Variants in KLRG1 observed in about 807,000 individuals in gnomAD.
The protein encoded by KLRG1 is killer cell lectin like receptor G1.
A neutral mutation model predicts 21.8 loss-of-function variants in KLRG1; 16 were observed. The ratio of observed to expected loss-of-function variants is 0.73; its 90% confidence interval spans 0.50 to 1.11. The LOEUF (loss-of-function observed/expected upper bound fraction) is 1.11, where lower values mean the gene tolerates loss of function less well. KLRG1 is among the 50% of genes most tolerant of loss of function. The probability of loss-of-function intolerance (pLI) is 0.00; values close to 1 mark genes in which losing one functional copy is unlikely to be tolerated. For synonymous variants in KLRG1, 69 were observed against 75.9 expected (o/e 0.91, Z 0.47); for missense variants, 173 against 218.3 (o/e 0.79, Z 1.31).
the KLRG1 span, chr12:9,151,545 G>C: frequency 7.2e-7 from 1 of 1,387,058 alleles, no homozygotes. Flanking sequence ...TTCTAGTAAA[G>C]AGACTCACTT....
the KLRG1 span, among the ~76,000 whole-genome samples, chr12:9,036,077 A>G: frequency 2.0e-5 from 3 of 152,230 alleles, no homozygotes; most frequent in African/African-American, 7.2e-5. Context: ...TCATTTGTAC[A>G]CCCAACCCAG....
At chr12:9,164,798 C>T in the KLRG1 span, among the ~76,000 whole-genome samples, 2 of 152,076 alleles carry the variant, frequency 1.3e-5, no homozygotes, top group Non-Finnish European at 2.9e-5. Flanking sequence ...TTCAAGATGA[C>T]GGGTTGGAGA....
chr12:9,150,792 C>T, the KLRG1 span: 1 of 1,215,200 alleles, frequency 8.2e-7, no homozygotes, highest in Non-Finnish European at 1.2e-6. Flanking sequence ...AAACCTCCTT[C>T]TTTCTCCCAT....
the KLRG1 span, chr12:9,204,000 G>A: frequency 1.2e-5 from 18 of 1,491,724 alleles, no homozygotes; most frequent in African/African-American, 5.6e-5. Context: ...GATAGTAAGC[G>A]TTTTCATCCA....
At chr12:9,178,299 CTG>C in the KLRG1 span, among the ~76,000 whole-genome samples, 74 of 152,280 alleles carry the variant, frequency 4.9e-4, no homozygotes, top group African/African-American at 1.8e-3. Context: ...TATGAATCCT[CTG>C]TTTTTCTGGT....
intron 2 of KLRG1, among the ~76,000 whole-genome samples, chr12:8,994,414 T>C (rs1293779308): frequency 2.6e-5 from 4 of 152,324 alleles, no homozygotes; most frequent in African/African-American, 4.8e-5. Flanking sequence ...TTTAAAGGAA[T>C]GTGGATCTTC....
intron 3 of KLRG1, among the ~76,000 whole-genome samples, chr12:9,008,231 AG>A (rs1947530382): frequency 6.6e-6 from 1 of 152,268 alleles, no homozygotes; most frequent in African/African-American, 2.4e-5. Context: ...ATGATGGGAA[AG>A]ATGACCACTT....
At chr12:8,957,928 G>C (rs1946321922) in intron 1 of KLRG1, among the ~76,000 whole-genome samples, 1 of 152,212 alleles carries the variant, frequency 6.6e-6, no homozygotes, top group Admixed American at 6.5e-5. Flanking sequence ...AACTGAAATT[G>C]TAGAAAGCAC....
At chr12:9,109,771 T>A in the KLRG1 span, 1 of 1,238,584 alleles carries the variant, frequency 8.1e-7, no homozygotes, top group Non-Finnish European at 1.1e-6. Context: ...ATGTCACCCA[T>A]GGGAAATGGA....
chr12:8,989,059 C>T (rs1170176658), upstream of KLRG1, among the ~76,000 whole-genome samples: 2 of 152,070 alleles, frequency 1.3e-5, no homozygotes, highest in Non-Finnish European at 2.9e-5. Flanking sequence ...AGGGTAAAGA[C>T]CATCACACAA....
At chr12:8,990,190 T>TG (rs1946927451) in intron 1 of KLRG1, 4 of 61,354 alleles carry the variant, frequency 6.5e-5, no homozygotes, top group Admixed American at 1.7e-4. Flanking sequence ...TCTAGTTTTG[T>TG]TTTTTTTTTT....
chr12:9,022,661 G>A, the KLRG1 span, among the ~76,000 whole-genome samples: 1 of 152,140 alleles, frequency 6.6e-6, no homozygotes, highest in Non-Finnish European at 1.5e-5. Context: ...CTCCAGGGAT[G>A]TTGAAGGTTG....
At chr12:9,076,764 A>G in the KLRG1 span, 2 of 1,613,892 alleles carry the variant, frequency 1.2e-6, no homozygotes, top group Non-Finnish European at 1.7e-6. Flanking sequence ...ACCTTTCTTC[A>G]CAGCTTCCTC....
In KLRG1 at chr12:9,010,292, G is replaced by A. The variant is rs1431541321; in HGVS notation, c.*755G>A. The A allele has an allele frequency of 5.3e-6, 2 of 380,762 alleles. No homozygotes were observed. Among genetic ancestry groups the A allele is most frequent in the Non-Finnish European group, 9.4e-6 (2 of 213,522 alleles). The allele number at this position is 380,762 out of a possible 1,614,324, so 23.6% of individuals were successfully genotyped here. On this transcript the variant is annotated 3_prime_UTR_variant, in exon 5 of 5. Coordinates refer to ENST00000356986, the MANE Select transcript of KLRG1 (RefSeq NM_005810.4). The stretch of plus-strand genomic sequence containing the variant: ...CTCTTCACACGTAATGCAAAAACCC[G>A]GTCTTAACTGATTTTGTTTTTTTTC...
In KLRG1 at chr12:8,998,746, G is replaced by A. The variant is rs754040339; in HGVS notation, c.357+3458G>A. Among the ~76,000 whole-genome samples the A allele has an allele frequency of 1.3e-4, 20 of 150,536 alleles. 1 individual carries two copies. The highest frequency in any genetic ancestry group is 4.2e-4 in the South Asian group (2 of 4,746). ...CTTCAAAGTCACTTATAGAAATATC[G>A]TATTTGACAGCTTCCAGAATCCATT... On this transcript the variant is annotated intron_variant, in intron 3 of 4. Transcript: ENST00000356986.
the KLRG1 span, among the ~76,000 whole-genome samples, chr12:9,141,789 A>G: frequency 6.6e-6 from 1 of 152,156 alleles, no homozygotes; most frequent in Non-Finnish European, 1.5e-5. Context: ...TTTTGTTGGT[A>G]AGTTTGGGAT....
chr12:9,023,937 C>A, the KLRG1 span, among the ~76,000 whole-genome samples: 1 of 150,476 alleles, frequency 6.6e-6, no homozygotes, highest in African/African-American at 2.5e-5. Flanking sequence ...TATTTTAGAA[C>A]CATTTATTTA....
chr12:9,159,812 C>A, the KLRG1 span: 1 of 836,612 alleles, frequency 1.2e-6, no homozygotes. Flanking sequence ...AAATAAATTT[C>A]TTTTCTTTAT....
the KLRG1 span, chr12:9,058,695 CA>C: frequency 6.6e-6 from 1 of 152,520 alleles, no homozygotes; most frequent in African/African-American, 2.4e-5. Context: ...TGTGCTTTTC[CA>C]AATGGCCTTC....
Sources: gnomAD v4.1 joint callset for allele counts (sites outside exome capture counted in the v4.1 genomes callset) on GRCh38, gnomAD v4.1.1 for gene constraint, MANE v1.5 for transcripts, NCBI Gene and HGNC (gene_info 2026-07-23, HGNC 2026-07-21) for gene names.